The following PLXNC1 variants were observed in gnomAD, a reference collection of about 807,000 sequenced individuals.
PLXNC1 encodes the protein plexin-C1.
A neutral mutation model predicts 178.2 loss-of-function variants in PLXNC1; 75 were observed. The ratio of observed to expected loss-of-function variants is 0.42; its 90% confidence interval spans 0.35 to 0.51. The LOEUF (loss-of-function observed/expected upper bound fraction) is 0.51, where lower values mean the gene tolerates loss of function less well. Ranked by LOEUF, PLXNC1 falls within the 20% of genes least tolerant of loss-of-function variation. PLXNC1 has a pLI of 0.02. For synonymous variants in PLXNC1, 790 were observed against 779.9 expected (o/e 1.01, Z -0.22); for missense variants, 1,503 against 1,984.4 (o/e 0.76, Z 4.61).
intron 3 of PLXNC1, among the ~76,000 whole-genome samples, chr12:94,185,193 C>T (rs1362170551): frequency 3.9e-5 from 6 of 152,156 alleles, no homozygotes; most frequent in Non-Finnish European, 8.8e-5. Context: ...TCACGGGCTG[C>T]CAGCTGCATC....
chr12:94,257,839 G>A (rs1392386060), intron 17 of PLXNC1, among the ~76,000 whole-genome samples: 3 of 152,228 alleles, frequency 2.0e-5, no homozygotes, highest in Non-Finnish European at 2.9e-5. Flanking sequence ...CCTGGGAGGC[G>A]GAGCTTGCAG....
chr12:94,175,942 G>A (rs1050278898), intron 2 of PLXNC1, among the ~76,000 whole-genome samples: 1 of 152,226 alleles, frequency 6.6e-6, no homozygotes, highest in Non-Finnish European at 1.5e-5. Context: ...CAGCGGAGAA[G>A]TGATCAGGGA....
intron 2 of PLXNC1, among the ~76,000 whole-genome samples, chr12:94,178,662 T>C (rs1378798459): frequency 6.6e-6 from 1 of 152,206 alleles, no homozygotes; most frequent in East Asian, 1.9e-4. Flanking sequence ...CTTTCTGTAG[T>C]GATAGAAATG....
chr12:94,297,226 T>TA lies in PLXNC1; in HGVS notation c.3966+6_3966+7insA, dbSNP rs751720193. Reference sequence around the variant, plus strand: ...CGGATGACCACTGCCATTTGGTGAGTTCAGGCTTTCTTGTGCTCACCACTG... The same window carrying TA: ...CGGATGACCACTGCCATTTGGTGAGTATCAGGCTTTCTTGTGCTCACCACTG... On this transcript the variant is annotated splice_region_variant and intron_variant, in intron 25 of 30. Coordinates refer to ENST00000258526, the MANE Select transcript of PLXNC1 (RefSeq NM_005761.3). The TA allele has an allele frequency of 3.1e-6, 5 of 1,613,970 alleles. No individual in the cohort carries two copies. In the East Asian group the frequency reaches 6.7e-5, roughly 22 times the overall value.
chr12:94,221,556 A>T (rs1963796836), intron 6 of PLXNC1, among the ~76,000 whole-genome samples: 1 of 152,198 alleles, frequency 6.6e-6, no homozygotes, highest in Non-Finnish European at 1.5e-5. Context: ...GATGATCATT[A>T]ATGGAGCTGA....
Position 94,169,223 on chromosome 12 carries a change from C to T in PLXNC1, c.1133C>T (p.Ser378Phe). 1 of 1,613,702 alleles carries T rather than the reference C, an allele frequency of 6.2e-7. No homozygotes were observed. Among genetic ancestry groups the T allele is most frequent in the Non-Finnish European group, 8.5e-7 (1 of 1,179,594 alleles). ...ACCTTGATCCATTCCGACCTGACAT[C>T]CGTTTATGGCACCGTGGTAATGAAC... The part of the protein sequence containing the change: ...SSTLIHSDLT[S>F]VYGTVVMNRT... Residue 378 changes from serine to phenylalanine, a missense_variant, in exon 2 of 31, where the codon TCC becomes TTC. By Grantham distance (155) the Ser-to-Phe change is radical (BLOSUM62 -2). Around this residue, in one of 4 missense-constraint regions of PLXNC1, gnomAD observed 615 missense variants for 698.6 expected, o/e 0.88. Transcript: ENST00000258526.
At chr12:94,182,908 A>ATCG (rs1962378399) in intron 3 of PLXNC1, among the ~76,000 whole-genome samples, 1 of 119,282 alleles carries the variant, frequency 8.4e-6, no homozygotes, top group African/African-American at 2.9e-5. Context: ...TCTATCTATC[A>ATCG]TCTATCTATC....
chr12:94,162,735 T>C (rs1961431910), intron 1 of PLXNC1, among the ~76,000 whole-genome samples: 1 of 151,082 alleles, frequency 6.6e-6, no homozygotes, highest in Admixed American at 6.6e-5. Flanking sequence ...AAGAGAAGAG[T>C]TGAGGGTGAT....
chr12:94,261,868 C>A (rs1186969964), intron 20 of PLXNC1, among the ~76,000 whole-genome samples: 1 of 152,064 alleles, frequency 6.6e-6, no homozygotes, highest in Admixed American at 6.5e-5. Flanking sequence ...AGATGCACAA[C>A]AATTTTTTTT....
rs2136242798 is a variant in PLXNC1 at position 94,305,349 on chromosome 12, T to A, written c.*64T>A. The A allele has an allele frequency of 1.1e-6, 1 of 897,050 alleles. No homozygotes were observed. Among genetic ancestry groups the A allele is most frequent in the East Asian group, 2.6e-5 (1 of 38,618 alleles). The allele number at this position is 897,050 out of a possible 1,614,324, so 55.6% of individuals were successfully genotyped here. On this transcript the variant is annotated 3_prime_UTR_variant, in exon 31 of 31. Coordinates refer to ENST00000258526, the MANE Select transcript of PLXNC1 (RefSeq NM_005761.3). ...GACGACTTGGGAGCAAAATGGCTGC[T>A]TGAGCTACTCTGTGTCGTTAATTTG...
Position 94,283,926 on chromosome 12 carries a change from C to CA in PLXNC1, c.3879+1532dup, listed in dbSNP as rs565487123. 2.0e-3 allele frequency among the ~76,000 whole-genome samples: 310 copies of CA among 151,892 alleles called. 1 individual carries two copies. Among genetic ancestry groups the CA allele is most frequent in the African/African-American group, 7.3e-3 (303 of 41,436 alleles). On this transcript the variant is annotated intron_variant, in intron 23 of 30. Transcript: ENST00000258526. ...CGGTAAAACGCTGTCTCTAAAAATA[C>CA]AAAAAAATTAGCCGGGCATGGTGGT...
At chr12:94,238,797 A>C (rs1964306480) in intron 10 of PLXNC1, among the ~76,000 whole-genome samples, 1 of 152,164 alleles carries the variant, frequency 6.6e-6, no homozygotes, top group African/African-American at 2.4e-5. Context: ...CCCTCATAGC[A>C]GTAAATTTGG....
intron 1 of PLXNC1, among the ~76,000 whole-genome samples, chr12:94,165,350 T>G (rs1031252597): frequency 1.3e-5 from 2 of 152,196 alleles, no homozygotes; most frequent in African/African-American, 4.8e-5. Context: ...CTTTTCCCAT[T>G]CACAGGGACC....
intron 17 of PLXNC1, among the ~76,000 whole-genome samples, chr12:94,258,577 T>C (rs11107485): frequency 0.3 from 45,762 of 152,148 alleles, 7,434 homozygotes; most frequent in African/African-American, 0.43. Context: ...TGATACACTA[T>C]AAACCCTTTT....
chr12:94,293,289 T>C (rs573105998), intron 23 of PLXNC1, among the ~76,000 whole-genome samples: 2 of 152,354 alleles, frequency 1.3e-5, no homozygotes, highest in South Asian at 4.1e-4. Context: ...CCTATCAGGA[T>C]TTATACTTAT....
At chr12:94,262,820 T>C in intron 20 of PLXNC1, 1 of 964,722 alleles carries the variant, frequency 1.0e-6, no homozygotes, top group Non-Finnish European at 1.2e-6. Context: ...ATACCATTTA[T>C]TGAATGTGCC....
chr12:94,242,166 C>T (rs925750866), intron 11 of PLXNC1, among the ~76,000 whole-genome samples: 2 of 152,064 alleles, frequency 1.3e-5, no homozygotes, highest in Admixed American at 6.6e-5. Context: ...TCTTTCTCCC[C>T]GGTTCTGGAG....
intron 4 of PLXNC1, among the ~76,000 whole-genome samples, chr12:94,194,637 C>A (rs1219793361): frequency 6.6e-6 from 1 of 152,070 alleles, no homozygotes; most frequent in Non-Finnish European, 1.5e-5. Context: ...GCCTGTGGTC[C>A]CAGCTACTCT....
chr12:94,263,200 G>A (rs938828665), intron 20 of PLXNC1, among the ~76,000 whole-genome samples: 3 of 148,832 alleles, frequency 2.0e-5, no homozygotes, highest in African/African-American at 4.9e-5. Context: ...CTCCCCCACC[G>A]CCTCCCCGCC....
Sources: gnomAD v4.1 joint callset for allele counts (sites outside exome capture counted in the v4.1 genomes callset) on GRCh38, gnomAD v4.1.1 for gene constraint, gnomAD v4.1.1 regional missense constraint, MANE v1.5 for transcripts, NCBI Gene and HGNC (gene_info 2026-07-23, HGNC 2026-07-21) for gene names.